Variants in DOP1B observed in about 807,000 individuals in gnomAD.
DOP1B encodes the protein protein DOP1B.
In DOP1B, 174 loss-of-function variants were observed where a neutral mutation model predicts 233.5. That is an observed-to-expected ratio of 0.75 (90% confidence interval 0.66 to 0.85). The LOEUF (loss-of-function observed/expected upper bound fraction) is 0.85, where lower values mean the gene tolerates loss of function less well. Among genes scored for constraint, DOP1B ranks in the 40% least tolerant of loss-of-function variants. The pLI, the probability that DOP1B is intolerant of heterozygous loss-of-function variation, is 0.00. For synonymous variants in DOP1B, 1,190 were observed against 1,185.6 expected (o/e 1.00, Z -0.08); for missense variants, 2,652 against 2,846.6 (o/e 0.93, Z 1.56).
At chr21:36,210,039 T>C (rs1364089594) in intron 5 of DOP1B, among the ~76,000 whole-genome samples, 1 of 152,094 alleles carries the variant, frequency 6.6e-6, no homozygotes, top group Non-Finnish European at 1.5e-5. Context: ...ACACGTCCCT[T>C]TCCTGCCCCG....
At chr21:36,162,382 A>G (rs773665564) in intron 1 of DOP1B, among the ~76,000 whole-genome samples, 3 of 152,122 alleles carry the variant, frequency 2.0e-5, no homozygotes, top group Non-Finnish European at 2.9e-5. Flanking sequence ...GTTTGTAGAG[A>G]TGGGGTTTCA....
intron 2 of DOP1B, chr21:36,169,989 T>C: frequency 1.3e-6 from 1 of 759,526 alleles, no homozygotes; most frequent in Non-Finnish European, 2.5e-6. Flanking sequence ...TCACCTTGGA[T>C]CTTGGCCTGT....
At chr21:36,236,681 G>A (rs1040687024) in intron 15 of DOP1B, among the ~76,000 whole-genome samples, 3 of 152,142 alleles carry the variant, frequency 2.0e-5, no homozygotes, top group South Asian at 2.1e-4. Flanking sequence ...GTTCTTAGTC[G>A]GCCAGAAACC....
chr21:36,171,752 G>T (rs1289258395), intron 2 of DOP1B, among the ~76,000 whole-genome samples: 1 of 152,180 alleles, frequency 6.6e-6, no homozygotes, highest in Non-Finnish European at 1.5e-5. Flanking sequence ...CATTTCTGTT[G>T]TTGAAGCCAC....
intron 2 of DOP1B, among the ~76,000 whole-genome samples, chr21:36,172,761 T>A (rs1188915836): frequency 1.3e-5 from 2 of 151,388 alleles, no homozygotes; most frequent in Admixed American, 6.6e-5. Flanking sequence ...AAAAAAGGAA[T>A]TTTTTTAAGG....
chr21:36,272,857 G>C (rs2067304508), intron 27 of DOP1B, among the ~76,000 whole-genome samples: 1 of 151,346 alleles, frequency 6.6e-6, no homozygotes, highest in Non-Finnish European at 1.5e-5. Flanking sequence ...GGTGGCGCAT[G>C]CCTGGAATCC....
At chr21:36,253,589 G>T (rs933189238) in intron 22 of DOP1B, among the ~76,000 whole-genome samples, 183 bp from the exon 23 acceptor site, 6 of 148,950 alleles carry the variant, frequency 4.0e-5, no homozygotes, top group African/African-American at 1.5e-4. Context: ...TGGTGGCCAA[G>T]ATCGCACCAC....
chr21:36,262,616 G>A (rs1416323778), intron 24 of DOP1B, among the ~76,000 whole-genome samples: 5 of 152,064 alleles, frequency 3.3e-5, no homozygotes, highest in East Asian at 1.9e-4. Context: ...AGCCGGGCAC[G>A]GTGGCTCACG....
At chr21:36,187,581 G>A (rs1329231229) in intron 2 of DOP1B, among the ~76,000 whole-genome samples, 2 of 151,630 alleles carry the variant, frequency 1.3e-5, no homozygotes, top group South Asian at 2.1e-4. Context: ...ATAGGCATAA[G>A]CCACTGTGCC....
intron 21 of DOP1B, among the ~76,000 whole-genome samples, chr21:36,249,832 A>G (rs944787727): frequency 3.9e-5 from 6 of 152,152 alleles, no homozygotes; most frequent in African/African-American, 1.4e-4. Flanking sequence ...TTTAGGTACC[A>G]CGGTGCGTTG....
Position 36,247,639 on chromosome 21 carries a change from T to TG in DOP1B, c.4809+11_4809+12insG. ...AACCAAAACAAAAAGGTAAATTTTTTTTTTTCCTGAGTTCAAGGCAATTTT... is the reference window on the plus strand; with the variant it reads ...AACCAAAACAAAAAGGTAAATTTTTTGTTTTTCCTGAGTTCAAGGCAATTTT... On this transcript the variant is annotated intron_variant, in intron 20 of 36. Coordinates refer to ENST00000691173, the MANE Select transcript of DOP1B (RefSeq NM_001320714.2). 2 of 1,581,580 alleles carry TG rather than the reference T, an allele frequency of 1.3e-6. No homozygotes were observed. Among genetic ancestry groups the TG allele is most frequent in the Non-Finnish European group, 8.6e-7 (1 of 1,166,612 alleles).
intron 33 of DOP1B, among the ~76,000 whole-genome samples, chr21:36,288,368 C>T (rs916211377): frequency 3.3e-5 from 5 of 152,002 alleles, no homozygotes; most frequent in African/African-American, 1.2e-4. Flanking sequence ...TAACTTGTAC[C>T]ATTTGATAAT....
chr21:36,168,884 CT>C, intron 2 of DOP1B: 1 of 444,040 alleles, frequency 2.3e-6, no homozygotes, highest in Non-Finnish European at 4.0e-6. Flanking sequence ...GAAGTGGTCT[CT>C]CCCTGTGGGT....
At position 36,246,785 on chromosome 21, in the gene DOP1B, A is replaced by G. The variant is rs1224963646; in HGVS notation, c.4697+108A>G. ...TCGGTTGGAGGATAATTTCATCCCA[A>G]TGAGAAGCCTGTTTAGCATTATCAA... On this transcript the variant is annotated intron_variant, in intron 19 of 36. Transcript: ENST00000691173. The surrounding 1 kb of genome is among the most constrained non-coding windows in gnomAD (Gnocchi z 5.1). 8.9e-6 allele frequency: 12 copies of G among 1,341,906 alleles called. No individual in the cohort carries two copies. The highest frequency in any genetic ancestry group is 7.0e-5 in the East Asian group (3 of 42,612). The allele number at this position is 1,341,906 out of a possible 1,614,324, so 83.1% of individuals were successfully genotyped here.
Position 36,293,497 on chromosome 21 carries a change from A to G in DOP1B, c.6823A>G (p.Thr2275Ala), listed in dbSNP as rs1415415722. 3.1e-6 allele frequency: 5 copies of G among 1,613,994 alleles called. No homozygotes were observed. Among genetic ancestry groups the G allele is most frequent in the Non-Finnish European group, 4.2e-6 (5 of 1,179,976 alleles). The part of the protein sequence containing the change: ...PGTPFLDFPV[T>A]DSPRILKQLE... Reference sequence around the variant, plus strand: ...AACTCCATTCTTGGACTTTCCTGTCACAGATAGCCCAAGGATCTTAAAACA... The same window carrying G: ...AACTCCATTCTTGGACTTTCCTGTCGCAGATAGCCCAAGGATCTTAAAACA... The change falls in exon 37 of 37, where the codon ACA (threonine) becomes GCA (alanine). Residue 2275 changes from threonine (T) to alanine (A), a missense_variant. Transcript: ENST00000691173.
At chr21:36,176,726 C>A (rs13048202) in intron 2 of DOP1B, among the ~76,000 whole-genome samples, 5,401 of 152,228 alleles carry the variant, frequency 0.035, 129 homozygotes, top group Non-Finnish European at 0.048. Flanking sequence ...GAGGGGCCAG[C>A]CCAGCATCCA....
chr21:36,203,774 C>T (rs979929130), intron 4 of DOP1B, among the ~76,000 whole-genome samples: 2 of 151,958 alleles, frequency 1.3e-5, no homozygotes, highest in African/African-American at 4.8e-5. Context: ...TTTTAGTGAA[C>T]CATAAGGAAT....
chr21:36,264,609 G>C (rs531880389), intron 26 of DOP1B, among the ~76,000 whole-genome samples: 9 of 152,070 alleles, frequency 5.9e-5, no homozygotes, highest in Admixed American at 1.3e-4. Flanking sequence ...AAGTAGCTGA[G>C]ATTACAGACA....
chr21:36,272,878 G>A (rs948178948), intron 27 of DOP1B, among the ~76,000 whole-genome samples: 8 of 150,376 alleles, frequency 5.3e-5, no homozygotes, highest in African/African-American at 7.4e-5. Context: ...CATCTACTCC[G>A]GAGGCTGAGG....
Sources: allele counts gnomAD v4.1 joint callset (sites outside exome capture counted in the v4.1 genomes callset), GRCh38; gene constraint gnomAD v4.1.1; non-coding constraint Gnocchi (gnomAD v3.1); transcripts MANE v1.5; gene names NCBI Gene and HGNC (gene_info 2026-07-23, HGNC 2026-07-21).